The following RPL3L variants were observed in gnomAD, a reference collection of about 807,000 sequenced individuals.
RPL3L encodes the protein ribosomal protein L3 like, also known as ribosomal protein uL3-like.
Under a neutral mutation model 44.5 loss-of-function variants are expected in RPL3L, and 44 were observed. The observed-to-expected ratio is 0.99, with a 90% CI of 0.78 to 1.27. The LOEUF (loss-of-function observed/expected upper bound fraction) is 1.27, where lower values mean the gene tolerates loss of function less well. Ranked by LOEUF, RPL3L falls within the 50% of genes most tolerant of loss-of-function variation. The pLI is 0.00. For missense variants in RPL3L, 631 were observed against 569.1 expected (o/e 1.11, Z -1.11); for synonymous variants, 292 against 230.7 (o/e 1.27, Z -2.41).
chr16:1,948,172 C>T lies in RPL3L; in HGVS notation c.502-792G>A, dbSNP rs2150862718. Among the ~76,000 whole-genome samples, 3 of 151,878 alleles carry T rather than the reference C, an allele frequency of 2.0e-5. No homozygotes were observed. In the Middle Eastern group the frequency reaches 0.01, roughly 524 times the overall value. On this transcript the variant is annotated intron_variant, in intron 4 of 9. Transcript: ENST00000268661. ...CCGGATGGTCTGCATCTCCTGACCT[C>T]ATGATCCGCCCGCCTCAGCCTCCCA...
At chr16:1,952,803 C>G in intron 3 of RPL3L, 71 bp downstream of exon 3, 1 of 1,568,174 alleles carries the variant, frequency 6.4e-7, no homozygotes, top group Non-Finnish European at 8.7e-7. Context: ...TCAGCAAGAG[C>G]TAGAGCCTCA....
At chr16:1,950,176 G>C (rs956048988) in intron 4 of RPL3L, among the ~76,000 whole-genome samples, 1 of 150,722 alleles carries the variant, frequency 6.6e-6, no homozygotes, top group African/African-American at 2.4e-5. Flanking sequence ...GTATGGGGTG[G>C]GTATGTATGG....
intron 8 of RPL3L, 41 bp downstream of exon 8, chr16:1,945,794 C>T (rs757225000): frequency 6.2e-7 from 1 of 1,610,414 alleles, no homozygotes; most frequent in South Asian, 1.1e-5. Context: ...AGGCTGGCAG[C>T]CCTCGGGCAC....
Position 1,954,150 on chromosome 16 carries a change from T to C in RPL3L, c.4-2A>G, listed in dbSNP as rs750731507. ...AGGGGCGGAAAACTTCCGGTGGGAC[T>C]GGGGGGCAGGAAGGAAGGAGGTCAG... On this transcript the variant is annotated splice_acceptor_variant, in intron 1 of 9. Coordinates refer to ENST00000268661, the MANE Select transcript of RPL3L (RefSeq NM_005061.3). LOFTEE classifies it high-confidence loss of function. 4 of 1,571,932 alleles carry C rather than the reference T, an allele frequency of 2.5e-6. No individual in the cohort carries two copies. Among genetic ancestry groups the C allele is most frequent in the Non-Finnish European group, 3.5e-6 (4 of 1,157,644 alleles).
rs758305306 is a variant in RPL3L, at chr16:1,945,493, G to A, written c.1167+6C>T. On this transcript the variant is annotated splice_donor_region_variant and intron_variant, in intron 9 of 9. Coordinates refer to ENST00000268661, the MANE Select transcript of RPL3L (RefSeq NM_005061.3). ...AGAAGAACAAGGATGGGGGCGGTGA[G>A]CTCACCATGAAGGCCCTCTTCTCTT... 16 of 1,608,496 alleles carry A rather than the reference G, an allele frequency of 9.9e-6. No homozygotes were observed. The East Asian group carries it at 3.6e-4, about 36-fold the overall frequency.
Position 1,951,579 on chromosome 16 carries a change from G to T in RPL3L, c.366-600C>A, listed in dbSNP as rs535506925. 3.8e-4 allele frequency among the ~76,000 whole-genome samples: 58 copies of T among 151,868 alleles called. No individual in the cohort carries two copies. In the South Asian group the frequency reaches 4.0e-3, roughly 10 times the overall value. On this transcript the variant is annotated intron_variant, in intron 3 of 9. Transcript: ENST00000268661. ...GTATTTTTTTGTAGAGACGGGTTTC[G>T]TCATGTTGCCCAGGCTGGTCTCGAA...
chr16:1,950,072 G>A (rs2150864123), intron 4 of RPL3L, among the ~76,000 whole-genome samples: 1 of 127,882 alleles, frequency 7.8e-6, no homozygotes, highest in Admixed American at 8.1e-5. Flanking sequence ...TAGGGGGCAG[G>A]TATGGACGGG....
At chr16:1,946,802 C>T (rs1247753543) in intron 6 of RPL3L, 76 bp from the exon 7 acceptor site, 4 of 1,587,954 alleles carry the variant, frequency 2.5e-6, no homozygotes, top group African/African-American at 1.3e-5. Flanking sequence ...CATCCGCCCA[C>T]ATGCTCAGAC....
chr16:1,954,294 G>C, intron 1 of RPL3L, 146 bp from the exon 2 acceptor site: 2 of 944,392 alleles, frequency 2.1e-6, no homozygotes, highest in Non-Finnish European at 3.0e-6. Context: ...CTACAGGAGG[G>C]GAGAGGAAGG....
At chr16:1,949,281 T>TTTTTTA (rs2083151799) in intron 4 of RPL3L, among the ~76,000 whole-genome samples, 1 of 143,606 alleles carries the variant, frequency 7.0e-6, no homozygotes, top group African/African-American at 2.6e-5. Context: ...TTTTTTTTTT[T>TTTTTTA]GAGACTCTAT....
At position 1,954,018 on chromosome 16, in the gene RPL3L, G is replaced by C. The variant is rs765474624; in HGVS notation, c.134C>G (p.Ala45Gly). 3 of 1,604,706 alleles carry C rather than the reference G, an allele frequency of 1.9e-6. No homozygotes were observed. The highest frequency in any genetic ancestry group is 2.6e-6 in the Non-Finnish European group (3 of 1,175,544). ...CATGCCCGCCTTGTAGCCCAGGAAG[G>C]CCGTGAGGTGCACGGGCTGGCTGGG... ...DDPSQPVHLTAFLGYKAGMTH... is the reference protein window; with the variant it reads ...DDPSQPVHLTGFLGYKAGMTH... The change falls in exon 2 of 10, where the codon GCC (alanine) becomes GGC (glycine). Residue 45 changes from alanine (A) to glycine (G), a missense_variant. By Grantham distance (60) the Ala-to-Gly change is moderately conservative (BLOSUM62 0). Transcript: ENST00000268661.
In RPL3L at chr16:1,944,709, A is replaced by C; in HGVS notation, c.*128T>G. 2 of 1,101,152 alleles carry C rather than the reference A, an allele frequency of 1.8e-6. No individual in the cohort carries two copies. Among genetic ancestry groups the C allele is most frequent in the Non-Finnish European group, 2.8e-6 (2 of 725,154 alleles). 68.2% of individuals were successfully genotyped at this position (1,101,152 alleles called of 1,614,324 possible). ...AATGAATCGGCTTTGTCTAGGCAGC[A>C]GGCAAGGTGAACCCCTTGGGCGGTT... On this transcript the variant is annotated 3_prime_UTR_variant, in exon 10 of 10. Coordinates refer to ENST00000268661, the MANE Select transcript of RPL3L (RefSeq NM_005061.3).
In RPL3L at chr16:1,953,899, C is replaced by G. The variant is rs141123265; in HGVS notation, c.196+57G>C. 3.3e-5 allele frequency: 46 copies of G among 1,415,042 alleles called. No homozygotes were observed. In the South Asian group the frequency reaches 5.4e-4, roughly 17 times the overall value. The allele number at this position is 1,415,042 out of a possible 1,614,324, so 87.7% of individuals were successfully genotyped here. On this transcript the variant is annotated intron_variant, in intron 2 of 9. Transcript: ENST00000268661. ...GGACCAAAAGCGTGAGTTCTGGCTCCGAGCATCTGGAAGGTTCAGCCCTCC... is the reference window on the plus strand; with the variant it reads ...GGACCAAAAGCGTGAGTTCTGGCTCGGAGCATCTGGAAGGTTCAGCCCTCC...
intron 7 of RPL3L, 82 bp from the exon 8 acceptor site, chr16:1,946,012 A>T: frequency 8.2e-7 from 1 of 1,219,824 alleles, no homozygotes; most frequent in Non-Finnish European, 1.2e-6. Context: ...CAGAACCCCC[A>T]GAGGGGGCAG....
chr16:1,954,456 G>A (rs1487976059), intron 1 of RPL3L, among the ~76,000 whole-genome samples, 173 bp downstream of exon 1: 1 of 152,002 alleles, frequency 6.6e-6, no homozygotes, highest in East Asian at 1.9e-4. Context: ...CATCTCCAGG[G>A]CCCTCCCAGG....
At chr16:1,951,300 G>T (rs1039476381) in intron 3 of RPL3L, among the ~76,000 whole-genome samples, 1 of 152,234 alleles carries the variant, frequency 6.6e-6, no homozygotes, top group African/African-American at 2.4e-5. Flanking sequence ...CACCCCACCT[G>T]CCACATGGCT....
Position 1,944,811 on chromosome 16 carries a change from T to G in RPL3L, c.*26A>C. The G allele has an allele frequency of 6.2e-7, 1 of 1,613,888 alleles. No homozygotes were observed. The highest frequency in any genetic ancestry group is 1.7e-5 in the Admixed American group (1 of 60,010). On this transcript the variant is annotated 3_prime_UTR_variant, in exon 10 of 10. Transcript: ENST00000268661. ...CATTGGGGCAGACAGTGCGGTGCGC[T>G]TCAGGGTTCATCCACCCCACACAGC...
intron 3 of RPL3L, 139 bp downstream of exon 3, chr16:1,952,735 A>T: frequency 2.1e-6 from 2 of 947,402 alleles, no homozygotes; most frequent in Admixed American, 4.9e-5. Context: ...ACACACAGAC[A>T]CTCCTACCTC....
chr16:1,946,995 G>A lies in RPL3L; in HGVS notation c.792C>T (p.Cys264=). The change falls in exon 6 of 10, where the codon TGC becomes TGT. Residue 264 remains cysteine, a synonymous_variant. Transcript: ENST00000268661. ...CCTTCTGCCCGGCCCGAGCAATGGA[G>A]CAGCCCACGCGGGCGGGGTGCCAGG... The part of the protein sequence containing the change: ...IGAWHPARVG[C]SIARAGQKGY... The A allele has an allele frequency of 6.2e-7, 1 of 1,611,378 alleles. No individual in the cohort carries two copies.
Sources: gnomAD v4.1 joint callset for allele counts (sites outside exome capture counted in the v4.1 genomes callset) on GRCh38, gnomAD v4.1.1 for gene constraint, MANE v1.5 for transcripts, NCBI Gene and HGNC (gene_info 2026-07-23, HGNC 2026-07-21) for gene names.